Variants in PTPRN2 observed in about 807,000 individuals in gnomAD.
The protein encoded by PTPRN2 is receptor-type tyrosine-protein phosphatase N2.
In PTPRN2, 74 loss-of-function variants were observed where a neutral mutation model predicts 118.8. The observed-to-expected ratio is 0.62, with a 90% CI of 0.52 to 0.76. The LOEUF (loss-of-function observed/expected upper bound fraction) is 0.76. PTPRN2 is among the 30% of genes least tolerant of loss of function. The pLI is 0.00. For missense variants in PTPRN2, 1,481 were observed against 1,394.4 expected, an observed-to-expected ratio of 1.06 and a Z score of -0.99; for synonymous variants, 641 against 608.0, an observed-to-expected ratio of 1.05 and a Z score of -0.80.
rs1046107324 is a variant in PTPRN2, at chr7:157,808,326, G to T, written c.1788+90347C>A. On this transcript the variant is annotated intron_variant, in intron 12 of 22. Coordinates refer to ENST00000389418, the MANE Select transcript of PTPRN2 (RefSeq NM_002847.5). This position sits in a 1 kb window ranked among gnomAD's most constrained non-coding sequence, Gnocchi z 5.0. ...GGGTGAGTGAGTACGTGAGTGGCAG[G>T]TAAGCGGGTGAGTGGCGGGTGAGTG... Among the ~76,000 whole-genome samples, 3 of 152,072 alleles carry T rather than the reference G, an allele frequency of 2.0e-5. No homozygotes were observed. The highest frequency in any genetic ancestry group is 1.3e-4 in the Admixed American group (2 of 15,264).
intron 1 of PTPRN2, among the ~76,000 whole-genome samples, chr7:158,509,000 A>G (rs923113631): frequency 1.3e-5 from 2 of 152,042 alleles, no homozygotes; most frequent in African/African-American, 4.8e-5. Flanking sequence ...CTGAGCTCAC[A>G]AGGGGTCGGA....
chr7:158,490,958 G>A (rs897711901), intron 1 of PTPRN2, among the ~76,000 whole-genome samples: 5 of 152,222 alleles, frequency 3.3e-5, no homozygotes, highest in African/African-American at 1.2e-4. Flanking sequence ...CACAGGGCAG[G>A]TGCCCAGGAG....
At position 157,987,651 on chromosome 7, in the gene PTPRN2, G is replaced by T. The variant is rs930815147; in HGVS notation, c.1724-88914C>A. The stretch of plus-strand genomic sequence containing the variant: ...TTTGTTCACACTGGGTGAACAGTTG[G>T]AATACAGGTTCCTCGGGCCTGTCCT... On this transcript the variant is annotated intron_variant, in intron 11 of 22. Coordinates refer to ENST00000389418, the MANE Select transcript of PTPRN2 (RefSeq NM_002847.5). This position sits in a 1 kb window ranked among gnomAD's most constrained non-coding sequence, Gnocchi z 4.3. 6.6e-6 allele frequency among the ~76,000 whole-genome samples: 1 copy of T among 152,124 alleles called. No homozygotes were observed. The highest frequency in any genetic ancestry group is 2.4e-5 in the African/African-American group (1 of 41,424).
Position 157,588,307 on chromosome 7 carries a change from G to A in PTPRN2, c.2496+6931C>T, listed in dbSNP as rs185456219. Among the ~76,000 whole-genome samples the A allele has an allele frequency of 2.7e-3, 407 of 152,356 alleles. 3 individuals carry two copies. The highest frequency in any genetic ancestry group is 9.2e-3 in the African/African-American group (383 of 41,582). ...ACTCCCTTCGGTTGACTCGAGCCGC[G>A]TAGCACAGGGTGTGGTAGAAGGTGG... On this transcript the variant is annotated intron_variant, in intron 17 of 22. Coordinates refer to ENST00000389418, the MANE Select transcript of PTPRN2 (RefSeq NM_002847.5).
chr7:158,264,872 G>A (rs1172746660), intron 3 of PTPRN2, among the ~76,000 whole-genome samples: 2 of 152,120 alleles, frequency 1.3e-5, no homozygotes, highest in Non-Finnish European at 2.9e-5. Context: ...TTGATGCCCG[G>A]GAGGAGCTGT....
chr7:158,359,554 T>A (rs879719888), intron 2 of PTPRN2, among the ~76,000 whole-genome samples: 6 of 152,050 alleles, frequency 3.9e-5, no homozygotes, highest in Admixed American at 3.9e-4. Flanking sequence ...AGGACAACTT[T>A]CAGCAACACC....
chr7:157,576,640 G>A lies in PTPRN2; in HGVS notation c.2756C>T (p.Ser919Phe). The A allele has an allele frequency of 1.2e-6, 2 of 1,612,742 alleles. No homozygotes were observed. Among genetic ancestry groups the A allele is most frequent in the Non-Finnish European group, 1.7e-6 (2 of 1,179,428 alleles). Reference protein sequence around the residue: ...LSWYDRGVPSSSRSLLDFRRK... With the variant: ...LSWYDRGVPSFSRSLLDFRRK... ...GCGGAAGTCCAGGAGGGACCTTGAG[G>A]AGGAAGGGACTCCTCGGTCATACCA... The change falls in exon 19 of 23, where the codon TCC (serine) becomes TTC (phenylalanine). Residue 919 changes from serine to phenylalanine, a missense_variant. By Grantham distance (155) the Ser-to-Phe change is radical. Coordinates refer to ENST00000389418, the MANE Select transcript of PTPRN2 (RefSeq NM_002847.5).
At chr7:158,205,614 A>G (rs1219544891) in intron 3 of PTPRN2, among the ~76,000 whole-genome samples, 2 of 152,184 alleles carry the variant, frequency 1.3e-5, no homozygotes, top group African/African-American at 2.4e-5. Flanking sequence ...CTTCATACGA[A>G]CCAAATTTCA....
At chr7:157,693,775 G>C (rs1209099821) in intron 12 of PTPRN2, among the ~76,000 whole-genome samples, 1 of 151,206 alleles carries the variant, frequency 6.6e-6, no homozygotes, top group East Asian at 1.9e-4. Flanking sequence ...GCCAGCCCGC[G>C]GCTCTCCTCG....
At chr7:157,926,780 A>G (rs1311293763) in intron 11 of PTPRN2, among the ~76,000 whole-genome samples, 2 of 152,122 alleles carry the variant, frequency 1.3e-5, no homozygotes, top group East Asian at 3.9e-4. Context: ...GAGATCCTTC[A>G]CCCTGATCTT....
At chr7:157,973,708 T>C (rs1029292864) in intron 11 of PTPRN2, among the ~76,000 whole-genome samples, 2 of 152,258 alleles carry the variant, frequency 1.3e-5, no homozygotes, top group African/African-American at 4.8e-5. Context: ...TAAAGCACTG[T>C]TGTAAGATTT....
chr7:158,076,544 G>A (rs947201653), intron 11 of PTPRN2, among the ~76,000 whole-genome samples: 1 of 152,236 alleles, frequency 6.6e-6, no homozygotes, highest in African/African-American at 2.4e-5. Context: ...GTGAAACTCA[G>A]GCCCAAGTCC....
intron 3 of PTPRN2, among the ~76,000 whole-genome samples, chr7:158,255,333 G>C (rs574589232): frequency 6.6e-6 from 1 of 152,298 alleles, no homozygotes; most frequent in Admixed American, 6.5e-5. Context: ...TCAGCCTCCA[G>C]GGGCCGGGCT....
chr7:157,576,402 A>G (rs1168182425), intron 19 of PTPRN2, among the ~76,000 whole-genome samples: 1 of 152,112 alleles, frequency 6.6e-6, no homozygotes, highest in Non-Finnish European at 1.5e-5. Flanking sequence ...TCCCCCTCAC[A>G]TTTTAATACC....
chr7:157,737,576 G>A (rs1311726450), intron 12 of PTPRN2, among the ~76,000 whole-genome samples: 1 of 152,236 alleles, frequency 6.6e-6, no homozygotes, highest in Non-Finnish European at 1.5e-5. Flanking sequence ...CCCATCCCCT[G>A]GCCTGGCTTC....
intron 3 of PTPRN2, among the ~76,000 whole-genome samples, chr7:158,244,285 G>A (rs1284493552): frequency 6.6e-6 from 1 of 152,252 alleles, no homozygotes; most frequent in Non-Finnish European, 1.5e-5. Flanking sequence ...AGAGGGGGTA[G>A]TAGCACAGAA....
chr7:158,275,605 T>C lies in PTPRN2; in HGVS notation c.277+41214A>G, dbSNP rs184927690. Among the ~76,000 whole-genome samples the C allele has an allele frequency of 1.8e-4, 28 of 152,364 alleles. No homozygotes were observed. In the East Asian group the frequency reaches 3.7e-3, roughly 20 times the overall value. ...TAAATTACTTGTTGAATAGACACAT[T>C]CTTTCACCACCATTAATAATTTAAA... On this transcript the variant is annotated intron_variant, in intron 3 of 22. Transcript: ENST00000389418.
At position 157,595,330 on chromosome 7, in the gene PTPRN2, C is replaced by CCA; in HGVS notation, c.2419-17_2419-16dup. On this transcript the variant is annotated splice_polypyrimidine_tract_variant and intron_variant, in intron 16 of 22. Transcript: ENST00000389418. ...TCGTGATCCATCTGCAGAGACAAGA[C>CCA]CACACCACAGCGGTTAGCCAGGAGA... is the stretch of plus-strand genomic sequence containing the variant. The CCA allele has an allele frequency of 6.2e-7, 1 of 1,612,146 alleles. No individual in the cohort carries two copies. Among genetic ancestry groups the CCA allele is most frequent in the Non-Finnish European group, 8.5e-7 (1 of 1,179,110 alleles).
intron 12 of PTPRN2, among the ~76,000 whole-genome samples, chr7:157,725,133 C>G (rs372075049): frequency 6.6e-6 from 1 of 151,934 alleles, no homozygotes; most frequent in Non-Finnish European, 1.5e-5. Flanking sequence ...TCTGGGAGAA[C>G]TGGATATCTA....
Sources: gnomAD v4.1 joint callset for allele counts (sites outside exome capture counted in the v4.1 genomes callset) on GRCh38, gnomAD v4.1.1 for gene constraint, Gnocchi (gnomAD v3.1) non-coding constraint, MANE v1.5 for transcripts, NCBI Gene and HGNC (gene_info 2026-07-23, HGNC 2026-07-21) for gene names.